Variants in CXCL13 observed in about 807,000 individuals in gnomAD.
CXCL13 encodes C-X-C motif chemokine 13.
A neutral mutation model predicts 12.2 loss-of-function variants in CXCL13; 7 were observed. The ratio of observed to expected loss-of-function variants is 0.57; its 90% CI spans 0.33 to 1.07. The LOEUF (loss-of-function observed/expected upper bound fraction) is 1.07. Ranked by LOEUF, CXCL13 falls within the 50% of genes least tolerant of loss-of-function variation. CXCL13 has a pLI of 0.04. For synonymous variants in CXCL13, 47 were observed against 42.4 expected (o/e 1.11, Z -0.42); for missense variants, 113 against 127.4 (o/e 0.89, Z 0.55).
intron 1 of CXCL13, among the ~76,000 whole-genome samples, chr4:77,519,510 T>C (rs1362937972): frequency 1.3e-5 from 2 of 152,224 alleles, no homozygotes; most frequent in African/African-American, 2.4e-5. Context: ...GCTGCATAAA[T>C]GTCCTCTTTT....
intron 1 of CXCL13, among the ~76,000 whole-genome samples, chr4:77,545,810 A>G (rs1214228286): frequency 6.6e-6 from 1 of 152,204 alleles, no homozygotes; most frequent in Non-Finnish European, 1.5e-5. Context: ...GAGAGAGGGC[A>G]TCCCTGTCTT....
At chr4:77,598,110 T>C (rs1578071728) in intron 1 of CXCL13, among the ~76,000 whole-genome samples, 1 of 152,310 alleles carries the variant, frequency 6.6e-6, no homozygotes, top group East Asian at 1.9e-4. Context: ...CTGCGGGAGA[T>C]GACCAGGCTT....
intron 1 of CXCL13, among the ~76,000 whole-genome samples, chr4:77,580,320 T>C (rs1726292730): frequency 1.1e-5 from 1 of 88,518 alleles, no homozygotes; most frequent in African/African-American, 4.7e-5. Flanking sequence ...TTTTTTTTTT[T>C]TTTTTTTTTT....
chr4:77,516,762 C>T (rs1724431759), intron 1 of CXCL13, among the ~76,000 whole-genome samples: 1 of 152,056 alleles, frequency 6.6e-6, no homozygotes, highest in Non-Finnish European at 1.5e-5. Context: ...AAAACCAGCT[C>T]CTGGATTCAT....
chr4:77,567,388 G>A (rs1317219035), intron 1 of CXCL13, among the ~76,000 whole-genome samples: 4 of 152,144 alleles, frequency 2.6e-5, no homozygotes, highest in Non-Finnish European at 4.4e-5. Flanking sequence ...TCCAAGACAT[G>A]TCCCAAATCT....
chr4:77,553,535 G>C (rs1274155748), intron 1 of CXCL13, among the ~76,000 whole-genome samples: 1 of 152,222 alleles, frequency 6.6e-6, no homozygotes, highest in Non-Finnish European at 1.5e-5. Flanking sequence ...CCCTTGGCCT[G>C]AATTGCTTGG....
At chr4:77,568,106 G>C (rs916390683) in intron 1 of CXCL13, among the ~76,000 whole-genome samples, 1 of 152,086 alleles carries the variant, frequency 6.6e-6, no homozygotes. Flanking sequence ...ATCATTTCTG[G>C]TAACACAAAG....
At chr4:77,592,988 C>T (rs527268424) in intron 1 of CXCL13, among the ~76,000 whole-genome samples, 17 of 152,318 alleles carry the variant, frequency 1.1e-4, no homozygotes, top group South Asian at 4.1e-4. Flanking sequence ...AGGTTAATAA[C>T]GTATAAACAA....
chr4:77,536,544 G>A (rs1725061818), intron 1 of CXCL13, among the ~76,000 whole-genome samples: 1 of 152,112 alleles, frequency 6.6e-6, no homozygotes, highest in African/African-American at 2.4e-5. Flanking sequence ...TGTAAGGAGG[G>A]ATAAAAATAT....
upstream of CXCL13, among the ~76,000 whole-genome samples, chr4:77,603,279 A>C (rs748458051): frequency 1.6e-4 from 25 of 152,222 alleles, no homozygotes; most frequent in Non-Finnish European, 3.4e-4. Context: ...TAAGAAATTG[A>C]CCATTCAAAA....
intron 1 of CXCL13, among the ~76,000 whole-genome samples, chr4:77,577,709 A>G (rs2109822449): frequency 6.6e-6 from 1 of 152,306 alleles, no homozygotes. Context: ...TGTAATGGTC[A>G]CTGGGACTCA....
intron 1 of CXCL13, among the ~76,000 whole-genome samples, chr4:77,593,265 C>T (rs1308513395): frequency 3.9e-5 from 6 of 152,230 alleles, no homozygotes; most frequent in Non-Finnish European, 8.8e-5. Flanking sequence ...CTGTTTCTAA[C>T]CTCAAATTAA....
At chr4:77,599,163 A>G (rs1726837099) in intron 1 of CXCL13, among the ~76,000 whole-genome samples, 1 of 152,154 alleles carries the variant, frequency 6.6e-6, no homozygotes, top group Non-Finnish European at 1.5e-5. Context: ...GAGTAGAGCT[A>G]GAGGAAAAAA....
Position 77,586,422 on chromosome 4 carries a change from G to A in CXCL13, c.-42-19402G>A, listed in dbSNP as rs115016536. Among the ~76,000 whole-genome samples the A allele has an allele frequency of 5.7e-3, 868 of 152,178 alleles. 7 individuals carry two copies. Among genetic ancestry groups the A allele is most frequent in the African/African-American group, 0.019 (800 of 41,510 alleles). On this transcript the variant is annotated intron_variant, in intron 1 of 4. Transcript: ENST00000286758. ...CTTTGCTGAAGTTTGCTATATCTCC[G>A]GTCCTAACGTTTTTGAGCAAAGTTT...
chr4:77,584,727 A>C (rs1726412389), intron 1 of CXCL13, among the ~76,000 whole-genome samples: 1 of 152,224 alleles, frequency 6.6e-6, no homozygotes. Flanking sequence ...AGCTGGGGTC[A>C]GGAAGAAATT....
At chr4:77,536,373 C>T (rs1725059419) in intron 1 of CXCL13, among the ~76,000 whole-genome samples, 1 of 152,086 alleles carries the variant, frequency 6.6e-6, no homozygotes, top group Admixed American at 6.6e-5. Context: ...TTTAACTTCC[C>T]TTTTGGGTGT....
At chr4:77,561,398 A>G (rs974815790) in intron 1 of CXCL13, among the ~76,000 whole-genome samples, 2 of 152,240 alleles carry the variant, frequency 1.3e-5, no homozygotes, top group African/African-American at 4.8e-5. Flanking sequence ...GTGGTTCTCC[A>G]TTAGTGCCTA....
chr4:77,591,550 CAA>C (rs780283463), intron 1 of CXCL13, among the ~76,000 whole-genome samples: 51 of 48,580 alleles, frequency 1.0e-3, no homozygotes, highest in African/African-American at 2.0e-3. Flanking sequence ...GACTCCATCT[CAA>C]AAAAAAAAAA....
chr4:77,535,167 C>T (rs1560518147), intron 1 of CXCL13, among the ~76,000 whole-genome samples: 1 of 152,180 alleles, frequency 6.6e-6, no homozygotes, highest in African/African-American at 2.4e-5. Flanking sequence ...TAAAAATATT[C>T]AGATCTCTTT....
Sources: allele counts gnomAD v4.1 joint callset (sites outside exome capture counted in the v4.1 genomes callset), GRCh38; gene constraint gnomAD v4.1.1; transcripts MANE v1.5; gene names NCBI Gene and HGNC (gene_info 2026-07-23, HGNC 2026-07-21).